The following ORC4 variants were observed in gnomAD, a reference collection of about 807,000 sequenced individuals.
ORC4 encodes the protein origin recognition complex subunit 4, also known as origin recognition complex, subunit 4 homolog.
In ORC4, 55 loss-of-function variants were observed where a neutral mutation model predicts 63.9. That is an observed-to-expected ratio of 0.86 (90% confidence interval 0.69 to 1.08). The LOEUF (loss-of-function observed/expected upper bound fraction) is 1.08. Ranked by LOEUF, ORC4 falls within the 50% of genes least tolerant of loss-of-function variation. The pLI is 0.00. For missense variants in ORC4, 511 were observed against 504.4 expected (o/e 1.01, Z -0.13); for synonymous variants, 150 against 168.5 (o/e 0.89, Z 0.85).
chr2:148,008,054 G>A (rs996599165), intron 1 of ORC4, among the ~76,000 whole-genome samples: 2 of 152,066 alleles, frequency 1.3e-5, no homozygotes, highest in East Asian at 1.9e-4. Context: ...TACATCCACC[G>A]AAATTATCCT....
At chr2:148,010,666 C>T (rs998610259) in intron 1 of ORC4, among the ~76,000 whole-genome samples, 1 of 151,922 alleles carries the variant, frequency 6.6e-6, no homozygotes, top group Non-Finnish European at 1.5e-5. Context: ...TCGAAATAGA[C>T]CCATAATAAG....
Position 147,933,813 on chromosome 2 carries a change from A to G in ORC4, c.*1697T>C, listed in dbSNP as rs750388414. The stretch of plus-strand genomic sequence containing the variant: ...AATATCCCCTAAAAATGTGTAGACT[A>G]CGGCACAGATTGAGTATGCAAGCCT... On this transcript the variant is annotated 3_prime_UTR_variant, in exon 14 of 14. Coordinates refer to ENST00000392857, the MANE Select transcript of ORC4 (RefSeq NM_181741.4). The G allele has an allele frequency of 4.6e-5, 7 of 152,052 alleles. No homozygotes were observed. Among genetic ancestry groups the G allele is most frequent in the Non-Finnish European group, 2.9e-5 (2 of 67,968 alleles). The allele number at this position is 152,052 out of a possible 1,614,324, so 9.4% of individuals were successfully genotyped here. A position where few individuals can be genotyped will look rare whatever the true frequency, so the allele number is the denominator to read the frequency against.
intron 9 of ORC4, chr2:147,947,570 A>T (rs1037400177): frequency 6.5e-6 from 1 of 152,770 alleles, no homozygotes; most frequent in Non-Finnish European, 1.5e-5. Context: ...ATTAGATAAT[A>T]TAACTGGAGG....
At chr2:147,935,757 T>C (rs1688016893) in intron 13 of ORC4, 59 bp from the exon 14 acceptor site, 2 of 1,426,918 alleles carry the variant, frequency 1.4e-6, no homozygotes, top group Non-Finnish European at 2.0e-6. Flanking sequence ...AACTCTCCTG[T>C]TCTCTCCCAG....
At chr2:147,978,566 A>G (rs1260803688) in intron 1 of ORC4, among the ~76,000 whole-genome samples, 2 of 152,204 alleles carry the variant, frequency 1.3e-5, no homozygotes, top group African/African-American at 4.8e-5. Context: ...TAGCCAAGTT[A>G]AAGTGTCTTA....
intron 1 of ORC4, among the ~76,000 whole-genome samples, chr2:147,995,788 A>T (rs1302775673): frequency 6.6e-6 from 1 of 150,672 alleles, no homozygotes; most frequent in Non-Finnish European, 1.5e-5. Flanking sequence ...AACTCCAGAC[A>T]CACCATCTTT....
intron 4 of ORC4, among the ~76,000 whole-genome samples, chr2:147,966,876 A>G (rs183217470): frequency 6.6e-6 from 1 of 152,326 alleles, no homozygotes; most frequent in East Asian, 1.9e-4. Flanking sequence ...CCTGACATCA[A>G]AACTAGACAA....
intron 1 of ORC4, among the ~76,000 whole-genome samples, chr2:147,997,451 A>T (rs931983984): frequency 2.6e-5 from 4 of 152,170 alleles, no homozygotes; most frequent in Non-Finnish European, 5.9e-5. Flanking sequence ...AAAATTTTTT[A>T]TATCTTATCT....
chr2:147,984,983 T>A (rs948793145), intron 1 of ORC4, among the ~76,000 whole-genome samples: 7 of 152,204 alleles, frequency 4.6e-5, no homozygotes, highest in African/African-American at 1.7e-4. Flanking sequence ...CAAGGGTTGC[T>A]TGTTGATAAA....
intron 9 of ORC4, among the ~76,000 whole-genome samples, chr2:147,947,430 G>T (rs1341082451): frequency 6.6e-6 from 1 of 152,028 alleles, no homozygotes; most frequent in Non-Finnish European, 1.5e-5. Context: ...AAATGCTAGT[G>T]TGTTGAGAAT....
intron 1 of ORC4, among the ~76,000 whole-genome samples, chr2:147,976,748 T>C (rs1321281663): frequency 6.6e-6 from 1 of 152,224 alleles, no homozygotes; most frequent in Non-Finnish European, 1.5e-5. Flanking sequence ...TATTTTGCTT[T>C]ATTATTGAAT....
At chr2:147,974,246 A>G (rs1336899050) in intron 2 of ORC4, among the ~76,000 whole-genome samples, 1 of 152,194 alleles carries the variant, frequency 6.6e-6, no homozygotes, top group Non-Finnish European at 1.5e-5. Context: ...AGAGTCTATT[A>G]TATGAATTTT....
chr2:147,993,821 C>A (rs1029857499), intron 1 of ORC4, among the ~76,000 whole-genome samples: 1 of 152,142 alleles, frequency 6.6e-6, no homozygotes, highest in Admixed American at 6.5e-5. Context: ...AAAAGGCTAT[C>A]AATGGGACAA....
At chr2:147,995,593 G>A (rs1355245908) in intron 1 of ORC4, among the ~76,000 whole-genome samples, 2 of 152,128 alleles carry the variant, frequency 1.3e-5, no homozygotes, top group Non-Finnish European at 2.9e-5. Flanking sequence ...AGGAGGGTCT[G>A]CGGCTTCATT....
intron 7 of ORC4, 148 bp from the exon 8 acceptor site, chr2:147,952,672 T>C: frequency 1.5e-6 from 1 of 659,574 alleles, no homozygotes; most frequent in Non-Finnish European, 2.7e-6. Flanking sequence ...CTGATGCATA[T>C]ACGTTCATTC....
intron 4 of ORC4, among the ~76,000 whole-genome samples, chr2:147,962,443 G>C (rs1689654076): frequency 6.6e-6 from 1 of 152,088 alleles, no homozygotes; most frequent in Non-Finnish European, 1.5e-5. Flanking sequence ...CCGCTCTGTG[G>C]GCCAGTAGTC....
chr2:147,999,663 T>C (rs933140328), intron 1 of ORC4, among the ~76,000 whole-genome samples: 3 of 152,102 alleles, frequency 2.0e-5, no homozygotes, highest in Admixed American at 6.6e-5. Context: ...TAGACTCTTA[T>C]TAACCCTAGA....
intron 1 of ORC4, among the ~76,000 whole-genome samples, chr2:148,018,434 C>T (rs1387934805): frequency 6.6e-6 from 1 of 152,096 alleles, no homozygotes; most frequent in Non-Finnish European, 1.5e-5. Context: ...CTACAAAAAC[C>T]CATGGTAATG....
At chr2:148,015,307 ATTTTTTTTT>A (rs1158861758) in intron 1 of ORC4, among the ~76,000 whole-genome samples, 6 of 92,290 alleles carry the variant, frequency 6.5e-5, no homozygotes, top group African/African-American at 1.8e-4. Context: ...TGATATTGGA[ATTTTTTTTT>A]TTTTTTTTTT....
Sources: gnomAD v4.1 joint callset for allele counts (sites outside exome capture counted in the v4.1 genomes callset) on GRCh38, gnomAD v4.1.1 for gene constraint, MANE v1.5 for transcripts, NCBI Gene and HGNC (gene_info 2026-07-23, HGNC 2026-07-21) for gene names.